USP15: variants seen among roughly 807,000 people sequenced by gnomAD.
The protein encoded by USP15 is ubiquitin carboxyl-terminal hydrolase 15.
In USP15, 18 loss-of-function variants were observed where a neutral mutation model predicts 127.1. That is an observed-to-expected ratio of 0.14 (90% CI 0.10 to 0.21). The LOEUF is 0.21. Ranked by LOEUF, USP15 falls within the 10% of genes least tolerant of loss-of-function variation. USP15 has a pLI of 1.00. For missense variants in USP15, 805 were observed against 1,159.9 expected (o/e 0.69, Z 4.44); for synonymous variants, 364 against 393.7 (o/e 0.92, Z 0.89).
chr12:62,349,191 A>T (rs1416577719), intron 6 of USP15, 30 bp from the exon 7 acceptor site: 1 of 1,262,296 alleles, frequency 7.9e-7, no homozygotes, highest in Admixed American at 3.0e-5. Context: ...TCATTTTTTT[A>T]TCTAATTTAA....
In USP15 at chr12:62,411,540, G is replaced by A. The variant is rs184163919; in HGVS notation, c.*7165G>A. On this transcript the variant is annotated 3_prime_UTR_variant, in exon 22 of 22. Coordinates refer to ENST00000280377, the MANE Select transcript of USP15 (RefSeq NM_001252078.2). ...TTTGCCTTCAGCTGACATGAATTAT[G>A]TTGTCTTTTTGTTTTTTGGTCCAGT... is the stretch of plus-strand genomic sequence containing the variant. 1 of 152,252 alleles carries A rather than the reference G, an allele frequency of 6.6e-6. No individual in the cohort carries two copies. The highest frequency in any genetic ancestry group is 2.4e-5 in the African/African-American group (1 of 41,544). 9.4% of individuals were successfully genotyped at this position (152,252 alleles called of 1,614,324 possible). A position where few individuals can be genotyped will look rare whatever the true frequency, so the allele number is the denominator to read the frequency against.
chr12:62,384,352 T>G, intron 11 of USP15, 50 bp downstream of exon 11: 1 of 1,328,264 alleles, frequency 7.5e-7, no homozygotes, highest in Non-Finnish European at 1.0e-6. Context: ...TTTTTGCATT[T>G]GTTATTTTTA....
In USP15 at chr12:62,415,703, C is replaced by T. The variant is rs763335073; in HGVS notation, c.*11328C>T. The T allele has an allele frequency of 1.3e-5, 2 of 152,200 alleles. No individual in the cohort carries two copies. Among genetic ancestry groups the T allele is most frequent in the Non-Finnish European group, 1.5e-5 (1 of 68,050 alleles). The allele number at this position is 152,200 out of a possible 1,614,324, so 9.4% of individuals were successfully genotyped here. ...GCATATTTGCTTAGCAAACCTATGACTTTTCTCAGAATATACAGTTTGCTT... is the reference window on the plus strand; with the variant it reads ...GCATATTTGCTTAGCAAACCTATGATTTTTCTCAGAATATACAGTTTGCTT... On this transcript the variant is annotated 3_prime_UTR_variant, in exon 22 of 22. Transcript: ENST00000280377.
At chr12:62,372,715 C>G (rs2066713964) in intron 8 of USP15, among the ~76,000 whole-genome samples, 1 of 152,008 alleles carries the variant, frequency 6.6e-6, no homozygotes, top group South Asian at 2.1e-4. Context: ...AATCCTTTGA[C>G]TGTCTTGCTT....
At chr12:62,356,994 T>C (rs1006018924) in intron 8 of USP15, among the ~76,000 whole-genome samples, 1 of 152,110 alleles carries the variant, frequency 6.6e-6, no homozygotes, top group African/African-American at 2.4e-5. Context: ...TATGTACCTC[T>C]TTATCCTTGA....
At position 62,295,207 on chromosome 12, in the gene USP15, G is replaced by A. The variant is rs548343780; in HGVS notation, c.217+901G>A. 1.4e-4 allele frequency among the ~76,000 whole-genome samples: 21 copies of A among 152,178 alleles called. No individual in the cohort carries two copies. The Middle Eastern group carries it at 0.02, about 148-fold the overall frequency. On this transcript the variant is annotated intron_variant, in intron 2 of 21. Coordinates refer to ENST00000280377, the MANE Select transcript of USP15 (RefSeq NM_001252078.2). ...CTTTGCATATAAGAAAACTGCCCAA[G>A]GTCAGACAAGGTACCACTGAAAAGA...
At chr12:62,303,140 T>G (rs556966048) in intron 3 of USP15, 42 of 354,814 alleles carry the variant, frequency 1.2e-4, no homozygotes, top group Admixed American at 2.8e-4. Flanking sequence ...CCTCTATATA[T>G]AGAGAGAAAA....
At chr12:62,283,269 CACCTTT>C (rs2063700678) in intron 1 of USP15, among the ~76,000 whole-genome samples, 1 of 152,158 alleles carries the variant, frequency 6.6e-6, no homozygotes, top group South Asian at 2.1e-4. Context: ...AAATTTTCAT[CACCTTT>C]AACACTTAGT....
chr12:62,265,335 G>A (rs769557647), intron 1 of USP15, among the ~76,000 whole-genome samples: 3 of 152,154 alleles, frequency 2.0e-5, no homozygotes, highest in Non-Finnish European at 1.5e-5. Flanking sequence ...AAAACACTAT[G>A]TGCCAGGTAC....
chr12:62,366,158 A>G (rs565357418), intron 8 of USP15, among the ~76,000 whole-genome samples: 6 of 152,212 alleles, frequency 3.9e-5, no homozygotes, highest in Non-Finnish European at 8.8e-5. Flanking sequence ...CCATTTTCAC[A>G]GTATTGATTC....
intron 9 of USP15, among the ~76,000 whole-genome samples, chr12:62,382,413 C>T (rs1359037532): frequency 1.3e-5 from 2 of 151,912 alleles, no homozygotes; most frequent in African/African-American, 4.8e-5. Context: ...TAGAGGACAT[C>T]TACTGGACAA....
intron 6 of USP15, among the ~76,000 whole-genome samples, chr12:62,326,422 A>T (rs1250856049): frequency 2.2e-5 from 3 of 138,708 alleles, no homozygotes; most frequent in Non-Finnish European, 4.8e-5. Context: ...TTTTAGAACT[A>T]ATAGATCTAC....
chr12:62,316,028 T>C (rs1565847203), intron 4 of USP15, among the ~76,000 whole-genome samples: 1 of 152,148 alleles, frequency 6.6e-6, no homozygotes, highest in Non-Finnish European at 1.5e-5. Flanking sequence ...CTCACACCTG[T>C]AATCCCAGCA....
intron 3 of USP15, among the ~76,000 whole-genome samples, chr12:62,310,805 C>T (rs892464092): frequency 3.3e-5 from 5 of 151,858 alleles, no homozygotes; most frequent in Admixed American, 6.6e-5. Context: ...AATCTCCACA[C>T]TGTTTTCTGT....
chr12:62,328,170 C>A, intron 6 of USP15: 1 of 309,500 alleles, frequency 3.2e-6, no homozygotes, highest in Non-Finnish European at 6.5e-6. Context: ...TGTATAAAAT[C>A]CAAAACAGCA....
At chr12:62,335,877 T>G (rs2065445696) in intron 6 of USP15, 1 of 985,316 alleles carries the variant, frequency 1.0e-6, no homozygotes. Context: ...TTCTCTGAAT[T>G]TGAATGCATG....
intron 8 of USP15, among the ~76,000 whole-genome samples, chr12:62,356,447 C>T (rs1057145705): frequency 1.3e-5 from 2 of 151,918 alleles, no homozygotes; most frequent in Non-Finnish European, 2.9e-5. Context: ...ATTCATACAG[C>T]TGTTTCCTAA....
rs187271463 is a variant in USP15, at chr12:62,308,254, T to C, written c.348+5334T>C. On this transcript the variant is annotated intron_variant, in intron 3 of 21. Transcript: ENST00000280377. The stretch of plus-strand genomic sequence containing the variant: ...GGCCTTTGGAAGAACTGAGTGTATT[T>C]TGTATTTTGGGGGAAGGAACTGTGA... Among the ~76,000 whole-genome samples the C allele has an allele frequency of 5.9e-4, 90 of 152,146 alleles. 1 individual carries two copies. In the East Asian group the frequency reaches 0.015, roughly 25 times the overall value.
At chr12:62,369,625 T>C (rs2066596131) in intron 8 of USP15, among the ~76,000 whole-genome samples, 1 of 152,184 alleles carries the variant, frequency 6.6e-6, no homozygotes, top group African/African-American at 2.4e-5. Context: ...GGATTTGGTG[T>C]ATACCACATA....
Sources: gnomAD v4.1 joint callset for allele counts (sites outside exome capture counted in the v4.1 genomes callset) on GRCh38, gnomAD v4.1.1 for gene constraint, MANE v1.5 for transcripts, NCBI Gene and HGNC (gene_info 2026-07-23, HGNC 2026-07-21) for gene names.